EMILIN3: variants seen among roughly 807,000 people sequenced by gnomAD.
EMILIN3 encodes the protein elastin microfibril interfacer 3.
A neutral mutation model predicts 42.8 loss-of-function variants in EMILIN3; 38 were observed. The observed-to-expected ratio is 0.89, with a 90% CI of 0.69 to 1.16. EMILIN3 has a LOEUF of 1.16. EMILIN3 is among the 50% of genes most tolerant of loss of function. The pLI, the probability that EMILIN3 is intolerant of heterozygous loss-of-function variation, is 0.00. For synonymous variants in EMILIN3, 430 were observed against 440.5 expected (o/e 0.98, Z 0.30); for missense variants, 924 against 999.5 (o/e 0.92, Z 1.02).
rs1463011972 is a variant in EMILIN3 at position 41,361,327 on chromosome 20, C to T, written c.2242G>A (p.Asp748Asn). Residue 748 changes from aspartate (D) to asparagine (N), a missense_variant, in exon 4 of 4, where the codon GAC becomes AAC. Physicochemically the swap from Asp to Asn is conservative, Grantham distance 23. Coordinates refer to ENST00000332312, the MANE Select transcript of EMILIN3 (RefSeq NM_052846.2). ...HTQDIARLRD[D>N]LLDCQAQLAE... ...AGCTGGGCCTGGCAGTCCAGTAGGT[C>T]ATCCCGGAGGCGGGCAATGTCCTGC... 4 of 1,609,640 alleles carry T rather than the reference C, an allele frequency of 2.5e-6. No homozygotes were observed. The highest frequency in any genetic ancestry group is 3.4e-6 in the Non-Finnish European group (4 of 1,176,872).
rs571218466 is a variant in EMILIN3, at chr20:41,366,067, C to T, written c.167+401G>A. On this transcript the variant is annotated intron_variant, in intron 1 of 3. Transcript: ENST00000332312. The surrounding 1 kb of genome is among the most constrained non-coding windows in gnomAD (Gnocchi z 4.2). ...TGCGCAGCTCTATCTCCTACCTGGC[C>T]GGGCCAGGGGAGAGAAGGGAGGCCC... Among the ~76,000 whole-genome samples the T allele has an allele frequency of 6.6e-6, 1 of 152,274 alleles. No individual in the cohort carries two copies. Among genetic ancestry groups the T allele is most frequent in the South Asian group, 2.1e-4 (1 of 4,826 alleles).
In EMILIN3 at chr20:41,362,030, C is replaced by T. The variant is rs2046364191; in HGVS notation, c.1539G>A (p.Arg513=). The T allele has an allele frequency of 2.5e-6, 4 of 1,611,506 alleles. No individual in the cohort carries two copies. The highest frequency in any genetic ancestry group is 3.4e-6 in the Non-Finnish European group (4 of 1,177,924). ...TGCACGAAGTCTCCAGTGAGACCAACCGTTGCTCTAGCACAGCCAGCTCTG... is the reference window on the plus strand; with the variant it reads ...TGCACGAAGTCTCCAGTGAGACCAATCGTTGCTCTAGCACAGCCAGCTCTG... ...VQTELAVLEQ[R]LVSLETSCTP... The change falls in exon 4 of 4, where the codon CGG becomes CGA. Residue 513 remains arginine, a synonymous_variant. Transcript: ENST00000332312.
Position 41,362,495 on chromosome 20 carries a change from C to T in EMILIN3, c.1074G>A (p.Arg358=). Residue 358 remains arginine, a synonymous_variant, in exon 4 of 4, where the codon CGG becomes CGA. Transcript: ENST00000332312. ...SRRLHQSLDG[R]ELALRQELSQ... is the part of the protein sequence containing the mutation. ...ACAGCTCCTGGCGCAGGGCCAGCTC[C>T]CGGCCATCAAGGCTCTGGTGCAGCC... The T allele has an allele frequency of 8.1e-6, 13 of 1,599,446 alleles. No homozygotes were observed. The highest frequency in any genetic ancestry group is 1.0e-5 in the Non-Finnish European group (12 of 1,179,400).
chr20:41,362,988 G>A lies in EMILIN3; in HGVS notation c.581C>T (p.Ala194Val). Residue 194 changes from alanine (A) to valine (V), a missense_variant, in exon 4 of 4, where the codon GCT (alanine) becomes GTT (valine). Coordinates refer to ENST00000332312, the MANE Select transcript of EMILIN3 (RefSeq NM_052846.2). ...GCCACTGAGGGTACCATATGTTTGA[G>A]CCAGGCGCTGGACATCACCCTCCAG... ...ERLEGDVQRL[A>V]QTYGTLSGLV... The A allele has an allele frequency of 6.2e-7, 1 of 1,611,618 alleles. No homozygotes were observed. Among genetic ancestry groups the A allele is most frequent in the Non-Finnish European group, 8.5e-7 (1 of 1,178,494 alleles).
At position 41,362,579 on chromosome 20, in the gene EMILIN3, ACACT is replaced by A. The variant is rs1243861902; in HGVS notation, c.986_989del (p.Glu329ValfsTer47). On this transcript the variant is annotated frameshift_variant, in exon 4 of 4. Coordinates refer to ENST00000332312, the MANE Select transcript of EMILIN3 (RefSeq NM_052846.2). LOFTEE classifies it high-confidence loss of function. ...GCCGTACCTCCTGCACCCGCAGGTC[ACACT>A]CACTCTGGACGCCTTGCAGCTTCTG... is the stretch of plus-strand genomic sequence containing the variant. 1 of 1,600,916 alleles carries A rather than the reference ACACT, an allele frequency of 6.2e-7. No homozygotes were observed. The highest frequency in any genetic ancestry group is 8.5e-7 in the Non-Finnish European group (1 of 1,179,344).
At position 41,362,640 on chromosome 20, in the gene EMILIN3, C is replaced by T. The variant is rs544595291; in HGVS notation, c.929G>A (p.Arg310Gln). The T allele has an allele frequency of 8.7e-6, 14 of 1,607,444 alleles. No homozygotes were observed. The highest frequency in any genetic ancestry group is 4.0e-5 in the African/African-American group (3 of 75,064). Reference sequence around the variant, plus strand: ...GCCATCCAGCAGGCTCCCCCAGAGTCGGTGCAGCCGTCGGTCCACGTACTC... The same window carrying T: ...GCCATCCAGCAGGCTCCCCCAGAGTTGGTGCAGCCGTCGGTCCACGTACTC... The part of the protein sequence containing the change: ...LEEYVDRRLH[R>Q]LWGSLLDGFE... The change falls in exon 4 of 4, where the codon CGA becomes CAA. Residue 310 changes from arginine to glutamine, a missense_variant. Physicochemically the swap from Arg to Gln is conservative, Grantham distance 43. Coordinates refer to ENST00000332312, the MANE Select transcript of EMILIN3 (RefSeq NM_052846.2).
chr20:41,364,222 C>T (rs2046382807), intron 2 of EMILIN3, among the ~76,000 whole-genome samples: 1 of 152,140 alleles, frequency 6.6e-6, no homozygotes, highest in African/African-American at 2.4e-5. Flanking sequence ...GAATCAGACA[C>T]AGCCCCAGCC....
chr20:41,363,140 GTTC>G lies in EMILIN3; in HGVS notation c.515-89_515-87del, dbSNP rs1233361907. Reference sequence around the variant, plus strand: ...TGCCAGGCCACCCAAGAGACTTTCTGTTCTTTTTTTTTTTTTTTGAGACAGAGT... The same window carrying G: ...TGCCAGGCCACCCAAGAGACTTTCTGTTTTTTTTTTTTTTTGAGACAGAGT... On this transcript the variant is annotated intron_variant, in intron 3 of 3. Coordinates refer to ENST00000332312, the MANE Select transcript of EMILIN3 (RefSeq NM_052846.2). 75 of 1,162,354 alleles carry G rather than the reference GTTC, an allele frequency of 6.5e-5. No homozygotes were observed. In the South Asian group the frequency reaches 1.1e-3, roughly 17 times the overall value. The allele number at this position is 1,162,354 out of a possible 1,614,324, so 72.0% of individuals were successfully genotyped here. A position where few individuals can be genotyped will look rare whatever the true frequency, so the allele number is the denominator to read the frequency against.
In EMILIN3 at chr20:41,361,730, C is replaced by T; in HGVS notation, c.1839G>A (p.Leu613=). 6.2e-7 allele frequency: 1 copy of T among 1,613,318 alleles called. No individual in the cohort carries two copies. Among genetic ancestry groups the T allele is most frequent in the Non-Finnish European group, 8.5e-7 (1 of 1,179,754 alleles). ...GCTCATCCAGGGACGTGTTGGCAGCCAAGAAGGCATCAGAGTACTGGCTGA... is the reference window on the plus strand; with the variant it reads ...GCTCATCCAGGGACGTGTTGGCAGCTAAGAAGGCATCAGAGTACTGGCTGA... ...DSVSQYSDAF[L]AANTSLDERE... Residue 613 remains leucine (L), a synonymous_variant, in exon 4 of 4, where the codon TTG becomes TTA. Coordinates refer to ENST00000332312, the MANE Select transcript of EMILIN3 (RefSeq NM_052846.2).
chr20:41,364,826 G>C (rs567616140), intron 2 of EMILIN3, among the ~76,000 whole-genome samples: 1 of 152,228 alleles, frequency 6.6e-6, no homozygotes, highest in Non-Finnish European at 1.5e-5. Flanking sequence ...GTCTGTGCGG[G>C]TGATGCTCTG....
intron 2 of EMILIN3, among the ~76,000 whole-genome samples, chr20:41,364,823 C>T (rs113622480): frequency 0.019 from 2,942 of 152,320 alleles, 32 homozygotes; most frequent in Middle Eastern, 0.051. Context: ...CCTGTCTGTG[C>T]GGGTGATGCT....
At position 41,362,168 on chromosome 20, in the gene EMILIN3, C is replaced by G. The variant is rs2046365794; in HGVS notation, c.1401G>C (p.Gly467=). Reference sequence around the variant, plus strand: ...TCTGCACGCGCTCTTCCAGCATGGTCCCAAAGCCGCCCACTCCCCACCCCC... The same window carrying G: ...TCTGCACGCGCTCTTCCAGCATGGTGCCAAAGCCGCCCACTCCCCACCCCC... The part of the protein sequence containing the change: ...DMGGWGVGGF[G]TMLEERVQSL... Residue 467 remains glycine, a synonymous_variant, in exon 4 of 4, where the codon GGG becomes GGC. Coordinates refer to ENST00000332312, the MANE Select transcript of EMILIN3 (RefSeq NM_052846.2). The G allele has an allele frequency of 4.3e-6, 7 of 1,612,484 alleles. No homozygotes were observed. The East Asian group carries it at 1.6e-4, about 36-fold the overall frequency.
chr20:41,361,593 T>C lies in EMILIN3; in HGVS notation c.1976A>G (p.Glu659Gly). 1.9e-6 allele frequency: 3 copies of C among 1,611,596 alleles called. No homozygotes were observed. The highest frequency in any genetic ancestry group is 2.5e-6 in the Non-Finnish European group (3 of 1,179,956). Residue 659 changes from glutamate to glycine, a missense_variant, in exon 4 of 4, where the codon GAG becomes GGG. By Grantham distance (98) the Glu-to-Gly change is moderately conservative (BLOSUM62 -2). Coordinates refer to ENST00000332312, the MANE Select transcript of EMILIN3 (RefSeq NM_052846.2). ...RQVLNLRGEL[E>G]QLKAGVAKVA... Reference sequence around the variant, plus strand: ...CTTGGCCACACCAGCCTTGAGTTGCTCCAGCTCCCCACGCAGGTTCAGGAC... The same window carrying C: ...CTTGGCCACACCAGCCTTGAGTTGCCCCAGCTCCCCACGCAGGTTCAGGAC...
At chr20:41,365,270 T>G in intron 1 of EMILIN3, 113 bp from the exon 2 acceptor site, 9 of 1,414,654 alleles carry the variant, frequency 6.4e-6, no homozygotes, top group African/African-American at 1.4e-5. Flanking sequence ...CCCATGTCTC[T>G]TCTGTCTGTT....
rs1244905042 is a variant in EMILIN3, at chr20:41,361,880, G to A, written c.1689C>T (p.Gly563=). 1.2e-6 allele frequency: 2 copies of A among 1,613,406 alleles called. No individual in the cohort carries two copies. The highest frequency in any genetic ancestry group is 2.7e-5 in the African/African-American group (2 of 74,952). The part of the protein sequence containing the change: ...SHAALLQQLN[G]TVAEVQGQLA... Reference sequence around the variant, plus strand: ...GCTGTCCCTGGACCTCGGCCACAGTGCCATTGAGCTGCTGGAGCAGTGCTG... The same window carrying A: ...GCTGTCCCTGGACCTCGGCCACAGTACCATTGAGCTGCTGGAGCAGTGCTG... Residue 563 remains glycine, a synonymous_variant, in exon 4 of 4, where the codon GGC becomes GGT. Coordinates refer to ENST00000332312, the MANE Select transcript of EMILIN3 (RefSeq NM_052846.2).
rs1475065501 is a variant in EMILIN3, at chr20:41,361,660, C to A, written c.1909G>T (p.Val637Phe). The change falls in exon 4 of 4, where the codon GTC becomes TTC. Residue 637 changes from valine to phenylalanine, a missense_variant. By Grantham distance (50) the Val-to-Phe change is conservative. Transcript: ENST00000332312. ...EAEVQAIQEQVSSQGSRLQAG... is the reference protein window; with the variant it reads ...EAEVQAIQEQFSSQGSRLQAG... ...TGAAGCCTGGAGCCTTGGCTGCTGA[C>A]CTGCTCCTGGATGGCCTGGACTTCG... The A allele has an allele frequency of 8.1e-6, 13 of 1,605,868 alleles. No individual in the cohort carries two copies. The highest frequency in any genetic ancestry group is 9.4e-6 in the Non-Finnish European group (11 of 1,175,570).
rs149733243 is a variant in EMILIN3 at position 41,362,324 on chromosome 20, C to G, written c.1245G>C (p.Pro415=). The G allele has an allele frequency of 1.9e-6, 3 of 1,611,742 alleles. No individual in the cohort carries two copies. In the African/African-American group the frequency reaches 4.0e-5, roughly 22 times the overall value. ...VTETQRGPGA[P]AGDELTRLSA... ...AGAGCCTCGTAAGCTCATCCCCGGC[C>G]GGGGCACCGGGGCCCCTTTGGGTCT... Residue 415 remains proline, a synonymous_variant, in exon 4 of 4, where the codon CCG becomes CCC. Transcript: ENST00000332312.
chr20:41,364,253 G>A (rs2046382946), intron 2 of EMILIN3, among the ~76,000 whole-genome samples: 1 of 152,122 alleles, frequency 6.6e-6, no homozygotes, highest in African/African-American at 2.4e-5. Context: ...GCAGGGAGGG[G>A]CACTGCCCTG....
chr20:41,366,457 C>A lies in EMILIN3; in HGVS notation c.167+11G>T. 1.8e-6 allele frequency: 2 copies of A among 1,124,786 alleles called. No individual in the cohort carries two copies. The highest frequency in any genetic ancestry group is 1.1e-6 in the Non-Finnish European group (1 of 919,784). The allele number at this position is 1,124,786 out of a possible 1,614,324, so 69.7% of individuals were successfully genotyped here. A position where few individuals can be genotyped will look rare whatever the true frequency, so the allele number is the denominator to read the frequency against. On this transcript the variant is annotated intron_variant, in intron 1 of 3. Coordinates refer to ENST00000332312, the MANE Select transcript of EMILIN3 (RefSeq NM_052846.2). This position sits in a 1 kb window ranked among gnomAD's most constrained non-coding sequence, Gnocchi z 4.2. ...CCTCCCTCTTCCCGCCCGCCGCCCG[C>A]CCGCGCTTACTTGTGCGGCCCCGGG... is the stretch of plus-strand genomic sequence containing the variant.
Sources: gnomAD v4.1 joint callset for allele counts (sites outside exome capture counted in the v4.1 genomes callset) on GRCh38, gnomAD v4.1.1 for gene constraint, Gnocchi (gnomAD v3.1) non-coding constraint, MANE v1.5 for transcripts, NCBI Gene and HGNC (gene_info 2026-07-23, HGNC 2026-07-21) for gene names.